The following NCALD variants were observed in gnomAD, a reference collection of about 807,000 sequenced individuals.
NCALD encodes the protein neurocalcin-delta.
Under a neutral mutation model 18.6 loss-of-function variants are expected in NCALD, and 10 were observed. The ratio of observed to expected loss-of-function variants is 0.54; its 90% CI spans 0.33 to 0.91. The LOEUF (loss-of-function observed/expected upper bound fraction) is 0.91, where lower values mean the gene tolerates loss of function less well. NCALD is among the 40% of genes least tolerant of loss of function. The probability of loss-of-function intolerance (pLI) is 0.03; values close to 1 mark genes in which losing one functional copy is unlikely to be tolerated. For synonymous variants in NCALD, 88 were observed against 87.4 expected (o/e 1.01, Z -0.04); for missense variants, 184 against 247.6 (o/e 0.74, Z 1.72).
chr8:102,039,539 T>C (rs10113700), intron 1 of NCALD, among the ~76,000 whole-genome samples: 20,375 of 152,140 alleles, frequency 0.13, 1,670 homozygotes, highest in African/African-American at 0.22. Flanking sequence ...TGATAGAGCT[T>C]GGGAAGTAGT....
At chr8:102,057,453 G>C (rs1430474265) in intron 1 of NCALD, among the ~76,000 whole-genome samples, 1 of 152,126 alleles carries the variant, frequency 6.6e-6, no homozygotes, top group African/African-American at 2.4e-5. Context: ...TACACAACTA[G>C]GTATTTAATA....
chr8:101,716,322 G>T (rs537764433), intron 2 of NCALD, among the ~76,000 whole-genome samples: 2 of 152,198 alleles, frequency 1.3e-5, no homozygotes, highest in Admixed American at 1.3e-4. Context: ...CCTGTTGGGG[G>T]GTGGTGGGCA....
chr8:101,805,580 A>G (rs908538060), intron 4 of NCALD, among the ~76,000 whole-genome samples: 1 of 152,208 alleles, frequency 6.6e-6, no homozygotes, highest in Non-Finnish European at 1.5e-5. Context: ...CTCATGCCTA[A>G]AGCAGTTATT....
At chr8:102,018,584 G>C (rs2132092578) in intron 2 of NCALD, among the ~76,000 whole-genome samples, 2 of 152,308 alleles carry the variant, frequency 1.3e-5, no homozygotes, top group African/African-American at 4.8e-5. Context: ...AAGGGCTAGA[G>C]GTAGAGGGAG....
intron 2 of NCALD, among the ~76,000 whole-genome samples, chr8:101,709,704 C>T (rs1815697106): frequency 6.6e-6 from 1 of 152,206 alleles, no homozygotes. Flanking sequence ...CTTCCTCAGA[C>T]ACACAGCCTG....
At chr8:101,754,251 T>C (rs1489677239) in intron 1 of NCALD, among the ~76,000 whole-genome samples, 2 of 152,210 alleles carry the variant, frequency 1.3e-5, no homozygotes, top group Non-Finnish European at 2.9e-5. Flanking sequence ...TTCTGTATGT[T>C]GGAAACTGTT....
At chr8:102,016,879 C>T (rs1822100425) in intron 2 of NCALD, among the ~76,000 whole-genome samples, 1 of 151,974 alleles carries the variant, frequency 6.6e-6, no homozygotes, top group African/African-American at 2.4e-5. Flanking sequence ...ATCAACAGAG[C>T]TGGAAAGAGA....
chr8:101,859,584 AAG>A (rs1437862728), intron 4 of NCALD, among the ~76,000 whole-genome samples: 1 of 152,170 alleles, frequency 6.6e-6, no homozygotes, highest in Non-Finnish European at 1.5e-5. Context: ...CAAATTAACA[AAG>A]AGATTCTAGA....
chr8:101,849,740 C>T (rs896477727), intron 4 of NCALD, among the ~76,000 whole-genome samples: 3 of 152,138 alleles, frequency 2.0e-5, no homozygotes, highest in African/African-American at 7.2e-5. Flanking sequence ...CTGCCCTGAA[C>T]AGAATTACGA....
intron 4 of NCALD, among the ~76,000 whole-genome samples, chr8:101,851,032 C>T (rs967655730): frequency 1.3e-5 from 2 of 152,098 alleles, no homozygotes; most frequent in Admixed American, 6.6e-5. Flanking sequence ...TACTTCAAGG[C>T]AACTGAAAGC....
chr8:101,987,516 T>A (rs1159582415), intron 2 of NCALD, among the ~76,000 whole-genome samples: 1 of 152,078 alleles, frequency 6.6e-6, no homozygotes, highest in Non-Finnish European at 1.5e-5. Context: ...AATTGGCATA[T>A]CCAAAAGAAA....
chr8:102,022,440 C>T (rs1822307530), intron 1 of NCALD, among the ~76,000 whole-genome samples: 1 of 152,208 alleles, frequency 6.6e-6, no homozygotes, highest in South Asian at 2.1e-4. Flanking sequence ...ACTGCACTCT[C>T]TTGCAGTTCT....
At chr8:102,060,475 C>T (rs1294610983) in intron 1 of NCALD, among the ~76,000 whole-genome samples, 1 of 152,188 alleles carries the variant, frequency 6.6e-6, no homozygotes, top group Non-Finnish European at 1.5e-5. Flanking sequence ...TAGGTAAATA[C>T]TAATTTCCTT....
chr8:101,714,177 A>C (rs528010147), intron 2 of NCALD, among the ~76,000 whole-genome samples: 2 of 152,348 alleles, frequency 1.3e-5, no homozygotes, highest in African/African-American at 4.8e-5. Flanking sequence ...AAGCGTATTC[A>C]AATAAGAAGA....
At chr8:101,751,577 A>G (rs1810660963) in intron 1 of NCALD, among the ~76,000 whole-genome samples, 2 of 152,206 alleles carry the variant, frequency 1.3e-5, no homozygotes. Context: ...CCAGCTGTCC[A>G]GGGATAACAT....
intron 2 of NCALD, among the ~76,000 whole-genome samples, chr8:101,941,136 G>A (rs1445946477): frequency 2.0e-5 from 3 of 152,172 alleles, no homozygotes; most frequent in African/African-American, 7.2e-5. Flanking sequence ...AGTAGTCTAT[G>A]TTTCTCTATC....
chr8:101,728,974 A>G (rs1234201810), intron 1 of NCALD, among the ~76,000 whole-genome samples: 6 of 152,272 alleles, frequency 3.9e-5, no homozygotes, highest in Admixed American at 3.3e-4. Flanking sequence ...TTCTTAAAAT[A>G]TAAGGAAGAG....
intron 3 of NCALD, chr8:101,691,982 G>A (rs1814750065): frequency 2.0e-6 from 2 of 985,356 alleles, no homozygotes; most frequent in Non-Finnish European, 2.4e-6. Context: ...AAATAGGGTT[G>A]CCAGATCTGG....
At chr8:102,025,186 A>G (rs1226187984) in intron 1 of NCALD, among the ~76,000 whole-genome samples, 2 of 152,058 alleles carry the variant, frequency 1.3e-5, no homozygotes, top group Non-Finnish European at 2.9e-5. Flanking sequence ...GCCCCTCGCT[A>G]GCTACTCTTC....
Sources: allele counts gnomAD v4.1 joint callset (sites outside exome capture counted in the v4.1 genomes callset), GRCh38; gene constraint gnomAD v4.1.1; transcripts MANE v1.5; gene names NCBI Gene and HGNC (gene_info 2026-07-23, HGNC 2026-07-21).